Variants in CTNND2 observed in about 807,000 individuals in gnomAD.
CTNND2 encodes the protein catenin delta-2.
CTNND2 carries 22 observed loss-of-function variants against 144.4 expected under a neutral mutation model. The observed-to-expected ratio is 0.15, with a 90% confidence interval of 0.11 to 0.22. The LOEUF (loss-of-function observed/expected upper bound fraction) is 0.22, where lower values mean the gene tolerates loss of function less well. Among genes scored for constraint, CTNND2 ranks in the 10% least tolerant of loss-of-function variants. The pLI is 1.00. For missense variants in CTNND2, 1,353 were observed against 1,618.8 expected (o/e 0.84, Z 2.82); for synonymous variants, 751 against 695.6 (o/e 1.08, Z -1.25).
chr5:11,312,419 G>A (rs1751071598), intron 9 of CTNND2, among the ~76,000 whole-genome samples: 3 of 152,060 alleles, frequency 2.0e-5, no homozygotes, highest in Admixed American at 2.0e-4. Context: ...GGAGGCGAAA[G>A]GCAGTTCTTA....
At chr5:11,126,177 T>C (rs1297566588) in intron 12 of CTNND2, among the ~76,000 whole-genome samples, 1 of 152,188 alleles carries the variant, frequency 6.6e-6, no homozygotes, top group Non-Finnish European at 1.5e-5. Context: ...GGCACATGCC[T>C]GCAATCCCAG....
At chr5:11,073,026 G>A (rs1039590182) in intron 16 of CTNND2, among the ~76,000 whole-genome samples, 3 of 152,178 alleles carry the variant, frequency 2.0e-5, no homozygotes, top group Middle Eastern at 3.2e-3. Context: ...TGCCTGCTCC[G>A]TAATTTTTTG....
At chr5:11,432,623 C>G (rs1429806906) in intron 3 of CTNND2, among the ~76,000 whole-genome samples, 1 of 152,042 alleles carries the variant, frequency 6.6e-6, no homozygotes, top group African/African-American at 2.4e-5. Context: ...TTCAACTAAA[C>G]AGTGATATTT....
intron 21 of CTNND2, among the ~76,000 whole-genome samples, chr5:10,979,468 C>A (rs1736942543): frequency 6.6e-6 from 1 of 152,208 alleles, no homozygotes; most frequent in Admixed American, 6.5e-5. Context: ...ACCAGGGGGT[C>A]ACAGACAACA....
chr5:11,844,361 T>TAA (rs1554130268), intron 1 of CTNND2, among the ~76,000 whole-genome samples: 6 of 150,444 alleles, frequency 4.0e-5, no homozygotes, highest in African/African-American at 1.5e-4. Context: ...TAGACTGAAA[T>TAA]ACACACACAC....
chr5:11,441,588 T>A (rs1250231156), intron 3 of CTNND2, among the ~76,000 whole-genome samples: 1 of 150,992 alleles, frequency 6.6e-6, no homozygotes, highest in Non-Finnish European at 1.5e-5. Context: ...TTCACCATCT[T>A]GGCCAGGCTG....
chr5:11,064,667 TG>T (rs1747363324), intron 16 of CTNND2, among the ~76,000 whole-genome samples: 1 of 138,050 alleles, frequency 7.2e-6, no homozygotes. Flanking sequence ...ACCTCATGCC[TG>T]GGTCTACCAG....
chr5:11,470,695 C>CA (rs1767104735), intron 3 of CTNND2, among the ~76,000 whole-genome samples: 2 of 151,942 alleles, frequency 1.3e-5, no homozygotes, highest in South Asian at 4.2e-4. Context: ...TTGGCTATGA[C>CA]AGTTCCTCAA....
chr5:11,321,947 C>A (rs1364025558), intron 9 of CTNND2, among the ~76,000 whole-genome samples: 1 of 152,132 alleles, frequency 6.6e-6, no homozygotes, highest in Non-Finnish European at 1.5e-5. Context: ...GGTTATGTTA[C>A]CTCCCAGGTC....
intron 2 of CTNND2, among the ~76,000 whole-genome samples, chr5:11,588,334 AC>A (rs1401339645): frequency 6.6e-6 from 1 of 152,064 alleles, no homozygotes; most frequent in Non-Finnish European, 1.5e-5. Flanking sequence ...AAAAAGACCT[AC>A]AATTTCCAAA....
intron 1 of CTNND2, among the ~76,000 whole-genome samples, chr5:11,759,491 T>C (rs1789136571): frequency 6.6e-6 from 1 of 152,096 alleles, no homozygotes; most frequent in Admixed American, 6.6e-5. Context: ...AGATTTTTGT[T>C]AGACAAAGCA....
intron 7 of CTNND2, among the ~76,000 whole-genome samples, chr5:11,381,036 T>C (rs1422507374): frequency 6.6e-6 from 1 of 152,210 alleles, no homozygotes; most frequent in Non-Finnish European, 1.5e-5. Context: ...TCTATTCTTC[T>C]GGTTGTTGGG....
At chr5:11,456,203 C>G (rs1328426794) in intron 3 of CTNND2, among the ~76,000 whole-genome samples, 1 of 152,120 alleles carries the variant, frequency 6.6e-6, no homozygotes, top group South Asian at 2.1e-4. Context: ...GGTTCTGCTA[C>G]TTCTTGATGT....
intron 10 of CTNND2, among the ~76,000 whole-genome samples, chr5:11,230,133 C>T (rs921209958): frequency 6.9e-6 from 1 of 145,466 alleles, no homozygotes; most frequent in East Asian, 2.0e-4. Context: ...AACCAAACAC[C>T]ACATATTCTC....
intron 5 of CTNND2, among the ~76,000 whole-genome samples, chr5:11,409,897 T>C (rs375800085): frequency 6.6e-6 from 1 of 152,126 alleles, no homozygotes; most frequent in African/African-American, 2.4e-5. Context: ...GATATACCTA[T>C]ATTTTCCCTT....
At chr5:11,717,608 G>A (rs1472979735) in intron 2 of CTNND2, among the ~76,000 whole-genome samples, 3 of 151,912 alleles carry the variant, frequency 2.0e-5, no homozygotes, top group Admixed American at 1.3e-4. Flanking sequence ...CTAAGACTGG[G>A]TAATTTATAA....
chr5:11,030,989 T>C (rs1041984690), intron 16 of CTNND2, among the ~76,000 whole-genome samples: 1 of 152,178 alleles, frequency 6.6e-6, no homozygotes, highest in Non-Finnish European at 1.5e-5. Flanking sequence ...AGCCTTAAGA[T>C]CTTCACAGAT....
chr5:11,016,863 C>A (rs1741659062), intron 18 of CTNND2, among the ~76,000 whole-genome samples: 1 of 152,060 alleles, frequency 6.6e-6, no homozygotes, highest in African/African-American at 2.4e-5. Context: ...CTCTGCCTCC[C>A]AGGTTCAAGT....
Position 11,199,471 on chromosome 5 carries a change from A to T in CTNND2, c.1952T>A (p.Leu651Gln). ...LVRLLRKTTD[L>Q]EIRELVTGVL... ...ACCTGTGACCAGCTCCCGGATCTCC[A>T]GGTCAGTCGTCTTGCGGAGTAACCT... is the stretch of plus-strand genomic sequence containing the variant. The change falls in exon 11 of 22, where the codon CTG becomes CAG. Residue 651 changes from leucine to glutamine, a missense_variant. By Grantham distance (113) the Leu-to-Gln change is moderately radical. This residue lies in a region of CTNND2 where 117 missense variants were observed against 117.8 expected (regional missense o/e 0.99). Transcript: ENST00000304623. The T allele has an allele frequency of 6.2e-7, 1 of 1,614,192 alleles. No individual in the cohort carries two copies. Among genetic ancestry groups the T allele is most frequent in the Non-Finnish European group, 8.5e-7 (1 of 1,180,002 alleles).
Sources: allele counts gnomAD v4.1 joint callset (sites outside exome capture counted in the v4.1 genomes callset), GRCh38; gene constraint gnomAD v4.1.1; regional missense constraint gnomAD v4.1.1; transcripts MANE v1.5; gene names NCBI Gene and HGNC (gene_info 2026-07-23, HGNC 2026-07-21).